Variants in NEK10 observed in about 807,000 individuals in gnomAD.
NEK10 encodes serine/threonine-protein kinase Nek10.
Under a neutral mutation model 159.8 loss-of-function variants are expected in NEK10, and 122 were observed. The ratio of observed to expected loss-of-function variants is 0.76; its 90% CI spans 0.66 to 0.89. NEK10 has a LOEUF of 0.89. Among genes scored for constraint, NEK10 ranks in the 40% least tolerant of loss-of-function variants. The probability of loss-of-function intolerance (pLI) is 0.00; values close to 1 mark genes in which losing one functional copy is unlikely to be tolerated. For synonymous variants in NEK10, 466 were observed against 457.1 expected, an observed-to-expected ratio of 1.02 and a Z score of -0.25; for missense variants, 1,342 against 1,323.1, an observed-to-expected ratio of 1.01 and a Z score of -0.22.
intron 9 of NEK10, chr3:27,309,835 C>T (rs2044545388): frequency 6.6e-6 from 1 of 152,168 alleles, no homozygotes; most frequent in African/African-American, 2.4e-5. Context: ...ATTTGCCTCC[C>T]AGATTTCTAA....
At chr3:27,309,367 C>T (rs190269120) in intron 9 of NEK10, 75 of 153,844 alleles carry the variant, frequency 4.9e-4, no homozygotes, top group Middle Eastern at 3.4e-3. Flanking sequence ...AAATTATGCC[C>T]TATCAAGCCT....
At chr3:27,294,618 C>T (rs1323181065) in intron 15 of NEK10, among the ~76,000 whole-genome samples, 2 of 152,182 alleles carry the variant, frequency 1.3e-5, no homozygotes, top group African/African-American at 4.8e-5. Flanking sequence ...CATGCCTGCA[C>T]CTTCCCGTTG....
intron 1 of NEK10, among the ~76,000 whole-genome samples, chr3:27,356,825 G>T (rs1216039097): frequency 6.6e-6 from 1 of 152,082 alleles, no homozygotes; most frequent in Non-Finnish European, 1.5e-5. Flanking sequence ...AAATCCTCTT[G>T]TCCATTTATT....
In NEK10 at chr3:27,186,191, G is replaced by C. The variant is rs769752716; in HGVS notation, c.2505+5838C>G. ...AGACAGGCAGCTTTGGTGATCTCCA[G>C]CAAATGGGTGTGGAAATTATGTTGC... is the stretch of plus-strand genomic sequence containing the variant. On this transcript the variant is annotated intron_variant, in intron 26 of 35. Transcript: ENST00000691995. 2.8e-4 allele frequency among the ~76,000 whole-genome samples: 42 copies of C among 152,316 alleles called. 1 individual carries two copies. The South Asian group carries it at 3.9e-3, about 14-fold the overall frequency.
intron 19 of NEK10, 40 bp downstream of exon 19, chr3:27,290,577 A>G (rs2042927114): frequency 2.7e-6 from 4 of 1,466,002 alleles, no homozygotes; most frequent in East Asian, 4.6e-5. Context: ...AATGACATGT[A>G]TTTAAGAAAA....
intron 13 of NEK10, among the ~76,000 whole-genome samples, chr3:27,300,317 G>T (rs1448875246): frequency 6.6e-6 from 1 of 152,006 alleles, no homozygotes; most frequent in African/African-American, 2.4e-5. Flanking sequence ...CCCTGCACAA[G>T]CCCTCTCTTG....
chr3:27,262,434 C>A (rs1034317310), intron 22 of NEK10, among the ~76,000 whole-genome samples: 6 of 152,330 alleles, frequency 3.9e-5, no homozygotes, highest in Admixed American at 2.6e-4. Context: ...TGTTTTCCAA[C>A]TTGGTTCCAT....
intron 32 of NEK10, among the ~76,000 whole-genome samples, chr3:27,125,545 A>G (rs1941843818): frequency 6.6e-6 from 1 of 152,026 alleles, no homozygotes; most frequent in African/African-American, 2.4e-5. Flanking sequence ...ATATTGCCTA[A>G]TTTTTTTATC....
intron 8 of NEK10, 136 bp from the exon 9 acceptor site, chr3:27,311,152 C>T: frequency 1.9e-6 from 1 of 518,944 alleles, no homozygotes; most frequent in Non-Finnish European, 3.4e-6. Context: ...ACAACAGATG[C>T]AGGAGCAGCA....
intron 6 of NEK10, among the ~76,000 whole-genome samples, chr3:27,321,623 A>G (rs1036831129): frequency 2.0e-5 from 3 of 152,210 alleles, no homozygotes; most frequent in African/African-American, 7.2e-5. Flanking sequence ...CTAGGATTAT[A>G]GGCGTGAGCC....
intron 31 of NEK10, 122 bp downstream of exon 31, chr3:27,141,360 T>G: frequency 1.6e-6 from 1 of 636,686 alleles, no homozygotes; most frequent in Non-Finnish European, 2.7e-6. Context: ...TCCCCACATG[T>G]ATGTAGCTGG....
intron 23 of NEK10, among the ~76,000 whole-genome samples, chr3:27,230,727 A>G (rs1373075908): frequency 1.3e-5 from 2 of 152,042 alleles, no homozygotes; most frequent in Non-Finnish European, 2.9e-5. Flanking sequence ...CAATTCTTAT[A>G]TGAGACAAAA....
At chr3:27,226,181 G>A (rs558523992) in intron 23 of NEK10, among the ~76,000 whole-genome samples, 4 of 151,234 alleles carry the variant, frequency 2.6e-5, no homozygotes, top group East Asian at 1.9e-4. Context: ...ACAGGCGCCC[G>A]CCACTACGCC....
chr3:27,268,305 T>A (rs760895652), intron 22 of NEK10, among the ~76,000 whole-genome samples: 21 of 152,198 alleles, frequency 1.4e-4, no homozygotes, highest in Admixed American at 2.6e-4. Flanking sequence ...GGAATAGATA[T>A]CCAATGTAGA....
At chr3:27,120,121 T>A (rs1360209151) in intron 32 of NEK10, among the ~76,000 whole-genome samples, 3 of 152,110 alleles carry the variant, frequency 2.0e-5, no homozygotes, top group Non-Finnish European at 2.9e-5. Context: ...TTTATGGCCT[T>A]ATGAGAGCAA....
At chr3:27,253,106 A>T (rs113901320) in intron 23 of NEK10, among the ~76,000 whole-genome samples, 6,300 of 152,234 alleles carry the variant, frequency 0.041, 218 homozygotes, top group African/African-American at 0.097. Context: ...ATTTTGATCC[A>T]TCCAATTTAA....
intron 22 of NEK10, among the ~76,000 whole-genome samples, chr3:27,278,122 A>G (rs1429678527): frequency 6.6e-6 from 1 of 152,244 alleles, no homozygotes; most frequent in African/African-American, 2.4e-5. Flanking sequence ...AACTCACAGG[A>G]CATATAATAA....
chr3:27,127,635 G>A (rs907890971), intron 32 of NEK10, among the ~76,000 whole-genome samples: 2 of 152,128 alleles, frequency 1.3e-5, no homozygotes, highest in African/African-American at 2.4e-5. Flanking sequence ...TGGGACCACT[G>A]TCATATATCC....
intron 11 of NEK10, among the ~76,000 whole-genome samples, chr3:27,305,510 A>G (rs922398610): frequency 2.0e-5 from 3 of 152,012 alleles, no homozygotes; most frequent in Non-Finnish European, 4.4e-5. Flanking sequence ...TGGGTGACAG[A>G]GCGAGACTCT....
Sources: gnomAD v4.1 joint callset for allele counts (sites outside exome capture counted in the v4.1 genomes callset) on GRCh38, gnomAD v4.1.1 for gene constraint, MANE v1.5 for transcripts, NCBI Gene and HGNC (gene_info 2026-07-23, HGNC 2026-07-21) for gene names.